Variants in GFM2 observed in about 807,000 individuals in gnomAD.
The protein encoded by GFM2 is ribosome-releasing factor 2, mitochondrial.
GFM2 carries 72 observed loss-of-function variants against 95.4 expected under a neutral mutation model. That is an observed-to-expected ratio of 0.76 (90% CI 0.62 to 0.92). GFM2 has a LOEUF of 0.92. Among genes scored for constraint, GFM2 ranks in the 40% least tolerant of loss-of-function variants. GFM2 has a pLI of 0.00. For synonymous variants in GFM2, 276 were observed against 317.5 expected (o/e 0.87, Z 1.39); for missense variants, 825 against 924.1 (o/e 0.89, Z 1.39).
chr5:74,722,220 C>A (rs987536979), intron 20 of GFM2, 159 bp downstream of exon 20: 35 of 646,222 alleles, frequency 5.4e-5, no homozygotes, highest in Non-Finnish European at 7.8e-5. Flanking sequence ...AATTTAAATT[C>A]AAAGTCCTAA....
intron 5 of GFM2, among the ~76,000 whole-genome samples, chr5:74,753,652 C>T (rs1219537058): frequency 6.6e-6 from 1 of 151,948 alleles, no homozygotes; most frequent in African/African-American, 2.4e-5. Flanking sequence ...ATTAACCCAA[C>T]CTGACAAACA....
In GFM2 at chr5:74,743,636, T is replaced by C. The variant is rs138328003; in HGVS notation, c.850-2027A>G. Among the ~76,000 whole-genome samples, 357 of 152,310 alleles carry C rather than the reference T, an allele frequency of 2.3e-3. 1 individual carries two copies. Among genetic ancestry groups the C allele is most frequent in the African/African-American group, 8.4e-3 (348 of 41,574 alleles). The stretch of plus-strand genomic sequence containing the variant: ...ACTAGATTACAAGATCCTTCTTAAG[T>C]TTATTCTTATAGCTCTTCTGTATTA... On this transcript the variant is annotated intron_variant, in intron 10 of 20. Transcript: ENST00000296805.
At chr5:74,723,150 G>C (rs1269588235) in intron 19 of GFM2, among the ~76,000 whole-genome samples, 4 of 152,062 alleles carry the variant, frequency 2.6e-5, no homozygotes, top group Non-Finnish European at 5.9e-5. Flanking sequence ...TCTAACTAGG[G>C]CATACCATGC....
chr5:74,742,066 G>T (rs181669408), intron 10 of GFM2, among the ~76,000 whole-genome samples: 10 of 152,080 alleles, frequency 6.6e-5, no homozygotes, highest in African/African-American at 4.8e-5. Context: ...CTGTAATCCC[G>T]CACTGAAGAA....
intron 10 of GFM2, among the ~76,000 whole-genome samples, chr5:74,744,233 GGTAA>G (rs1204518121): frequency 6.6e-6 from 1 of 152,004 alleles, no homozygotes; most frequent in Non-Finnish European, 1.5e-5. Context: ...GTAACACAAT[GGTAA>G]GTATTTGTGT....
At chr5:74,766,828 G>A (rs576655326) in intron 1 of GFM2, 110 bp downstream of exon 1, 1 of 153,346 alleles carries the variant, frequency 6.5e-6, no homozygotes, top group Non-Finnish European at 1.5e-5. Flanking sequence ...AGGCCCTGTT[G>A]TCCTCTTCCG....
intron 4 of GFM2, 36 bp downstream of exon 4, chr5:74,759,333 G>T (rs771437314): frequency 8.1e-7 from 1 of 1,228,338 alleles, no homozygotes; most frequent in Admixed American, 2.0e-5. Context: ...TTTCGTGACA[G>T]TCTATGGAAA....
In GFM2 at chr5:74,763,731, G is replaced by A. The variant is rs973734993; in HGVS notation, c.12C>T (p.Asn4=). 3 of 1,606,544 alleles carry A rather than the reference G, an allele frequency of 1.9e-6. No individual in the cohort carries two copies. The African/African-American group carries it at 4.0e-5, about 21-fold the overall frequency. MLT[N]LRIFAMSHQT... ...GATGACTCATTGCAAATATCCTCAA[G>A]TTGGTCAACATCTTGATCCTCCAAA... Residue 4 remains asparagine (N), a synonymous_variant, in exon 2 of 21, where the codon AAC becomes AAT. Transcript: ENST00000296805.
Position 74,721,550 on chromosome 5 carries a change from C to CTGAAACA in GFM2, c.*98_*104dup. 8.1e-7 allele frequency: 1 copy of CTGAAACA among 1,233,934 alleles called. No homozygotes were observed. Among genetic ancestry groups the CTGAAACA allele is most frequent in the South Asian group, 1.3e-5 (1 of 77,356 alleles). 76.4% of individuals were successfully genotyped at this position (1,233,934 alleles called of 1,614,324 possible). A position where few individuals can be genotyped will look rare whatever the true frequency, so the allele number is the denominator to read the frequency against. ...TCTTTTATCTAGTTCTCTGAATGTA[C>CTGAAACA]TGAAACAGTACTTTATTCGTCCAAT... On this transcript the variant is annotated 3_prime_UTR_variant, in exon 21 of 21. Coordinates refer to ENST00000296805, the MANE Select transcript of GFM2 (RefSeq NM_032380.5).
chr5:74,763,675 C>T lies in GFM2; in HGVS notation c.63+5G>A, dbSNP rs1239783891. The T allele has an allele frequency of 2.0e-6, 3 of 1,535,432 alleles. No homozygotes were observed. The highest frequency in any genetic ancestry group is 2.7e-6 in the Non-Finnish European group (3 of 1,110,674). ...AGGACACTTAATTTTATAAGAAATG[C>T]TTACATTAATATACACACTGGGTAT... On this transcript the variant is annotated splice_donor_5th_base_variant and intron_variant, in intron 2 of 20. Transcript: ENST00000296805.
At chr5:74,737,393 C>A (rs1314009381) in intron 14 of GFM2, among the ~76,000 whole-genome samples, 1 of 152,150 alleles carries the variant, frequency 6.6e-6, no homozygotes, top group East Asian at 1.9e-4. Flanking sequence ...AACCAGAATA[C>A]CCTTAACTGT....
intron 16 of GFM2, 99 bp downstream of exon 16, chr5:74,732,923 T>C: frequency 1.7e-6 from 1 of 585,254 alleles, no homozygotes; most frequent in Non-Finnish European, 2.9e-6. Context: ...GACTTAATGT[T>C]TTAGACACAC....
intron 20 of GFM2, 128 bp downstream of exon 20, chr5:74,722,251 G>A (rs906566879): frequency 1.3e-5 from 10 of 781,408 alleles, no homozygotes; most frequent in Non-Finnish European, 1.8e-5. Flanking sequence ...TGGTTGAAAC[G>A]AAACTTAACA....
chr5:74,741,456 C>A, intron 11 of GFM2, 73 bp downstream of exon 11: 1 of 720,094 alleles, frequency 1.4e-6, no homozygotes, highest in South Asian at 1.7e-5. Flanking sequence ...AATGCACACA[C>A]ATCAAAGGCA....
At chr5:74,759,701 T>A (rs908838822) in intron 3 of GFM2, among the ~76,000 whole-genome samples, 1 of 152,146 alleles carries the variant, frequency 6.6e-6, no homozygotes, top group African/African-American at 2.4e-5. Context: ...GCCACCTACT[T>A]CACTTCCATT....
At chr5:74,732,494 G>T (rs1579979028) in intron 16 of GFM2, among the ~76,000 whole-genome samples, 1 of 150,022 alleles carries the variant, frequency 6.7e-6, no homozygotes, top group Non-Finnish European at 1.5e-5. Flanking sequence ...GATGCAGAAT[G>T]TAATTTAATC....
At chr5:74,747,607 G>A (rs1265360456) in intron 8 of GFM2, 85 bp downstream of exon 8, 1 of 736,664 alleles carries the variant, frequency 1.4e-6, no homozygotes, top group African/African-American at 1.8e-5. Flanking sequence ...AAAAAAAATA[G>A]CTATTCCTAA....
chr5:74,724,015 G>A (rs1368295566), intron 19 of GFM2, among the ~76,000 whole-genome samples: 1 of 152,086 alleles, frequency 6.6e-6, no homozygotes, highest in Non-Finnish European at 1.5e-5. Flanking sequence ...AATACATGAA[G>A]CACTTACAAG....
At chr5:74,742,019 ATC>A (rs1743134666) in intron 10 of GFM2, among the ~76,000 whole-genome samples, 1 of 152,172 alleles carries the variant, frequency 6.6e-6, no homozygotes, top group African/African-American at 2.4e-5. Flanking sequence ...TGTTCACCAG[ATC>A]TCCCAAGACA....
Sources: gnomAD v4.1 joint callset for allele counts (sites outside exome capture counted in the v4.1 genomes callset) on GRCh38, gnomAD v4.1.1 for gene constraint, MANE v1.5 for transcripts, NCBI Gene and HGNC (gene_info 2026-07-23, HGNC 2026-07-21) for gene names.